The following PKD1L3 variants were observed in gnomAD, a reference collection of about 807,000 sequenced individuals.
PKD1L3 encodes polycystin 1 like 3, transient receptor potential channel interacting.
PKD1L3 carries 239 observed loss-of-function variants against 184.1 expected under a neutral mutation model. The observed-to-expected ratio is 1.30, with a 90% CI of 1.17 to 1.45. PKD1L3 has a LOEUF of 1.45. Ranked by LOEUF, PKD1L3 falls within the 40% of genes most tolerant of loss-of-function variation. The pLI is 0.00. For missense variants in PKD1L3, 2,660 were observed against 2,067.2 expected (o/e 1.29, Z -5.56); for synonymous variants, 996 against 778.8 (o/e 1.28, Z -4.64).
At chr16:71,998,662 G>T (rs978871098) in intron 1 of PKD1L3, among the ~76,000 whole-genome samples, 1 of 152,082 alleles carries the variant, frequency 6.6e-6, no homozygotes, top group Admixed American at 6.6e-5. Flanking sequence ...TGTTGGCCAG[G>T]CTGGTCTCGA....
intron 16 of PKD1L3, among the ~76,000 whole-genome samples, chr16:71,962,220 G>A (rs373615104): frequency 6.6e-6 from 1 of 152,050 alleles, no homozygotes; most frequent in Admixed American, 6.6e-5. Context: ...CACCATGCCC[G>A]GCTAGGACAT....
At chr16:71,931,359 G>T (rs1408419163) in intron 28 of PKD1L3, among the ~76,000 whole-genome samples, 1 of 151,828 alleles carries the variant, frequency 6.6e-6, no homozygotes, top group Non-Finnish European at 1.5e-5. Context: ...AGAGATTGGC[G>T]CCAGGGCCCC....
At chr16:71,981,643 C>T (rs527902658) in intron 7 of PKD1L3, among the ~76,000 whole-genome samples, 22 of 150,850 alleles carry the variant, frequency 1.5e-4, no homozygotes, top group Admixed American at 1.0e-3. Flanking sequence ...CAGGTTCAAG[C>T]GATTCTCCTG....
chr16:71,933,882 C>T (rs2038079907), intron 27 of PKD1L3, 33 bp downstream of exon 27: 11 of 1,541,306 alleles, frequency 7.1e-6, no homozygotes, highest in Non-Finnish European at 7.0e-6. Context: ...CCACAGCACA[C>T]GGAGAAGGAG....
chr16:71,962,565 C>T (rs968518193), intron 16 of PKD1L3, among the ~76,000 whole-genome samples: 5 of 152,174 alleles, frequency 3.3e-5, no homozygotes, highest in Admixed American at 1.3e-4. Context: ...TGGCTCACTG[C>T]AACCTCTGCC....
intron 12 of PKD1L3, among the ~76,000 whole-genome samples, chr16:71,972,394 C>T (rs1225433730): frequency 6.6e-6 from 1 of 152,054 alleles, no homozygotes; most frequent in Non-Finnish European, 1.5e-5. Flanking sequence ...GAGGGAAACT[C>T]CCTCTATAAG....
intron 2 of PKD1L3, 139 bp downstream of exon 2, chr16:71,998,133 A>C (rs954286834): frequency 8.7e-7 from 1 of 1,152,504 alleles, no homozygotes; most frequent in Admixed American, 2.8e-5. Flanking sequence ...GCTAATCAGC[A>C]TCATGAAAAT....
At chr16:71,993,631 G>C (rs774277963) in intron 2 of PKD1L3, among the ~76,000 whole-genome samples, 5 of 152,128 alleles carry the variant, frequency 3.3e-5, no homozygotes, top group Non-Finnish European at 5.9e-5. Flanking sequence ...ACATCCTACT[G>C]CTTAAGGTCA....
Position 71,933,974 on chromosome 16 carries a change from C to T in PKD1L3, c.4765G>A (p.Asp1589Asn), listed in dbSNP as rs2038084596. ...ATCAGCAGAAAGCCCACCACCTCGT[C>T]CCAGGCTCGGCTCAGTGTCCTGCTG... is the stretch of plus-strand genomic sequence containing the variant. ...VISRTLSRAWDEVVGFLLIIL... is the reference protein window; with the variant it reads ...VISRTLSRAWNEVVGFLLIIL... Residue 1589 changes from aspartate to asparagine, a missense_variant, in exon 27 of 30, where the codon GAC (aspartate) becomes AAC (asparagine). Asp to Asn is a conservative substitution (Grantham distance 23). Transcript: ENST00000620267. 1.3e-6 allele frequency: 2 copies of T among 1,551,624 alleles called. No homozygotes were observed. The highest frequency in any genetic ancestry group is 4.9e-5 in the East Asian group (2 of 40,906).
chr16:71,982,179 A>C lies in PKD1L3; in HGVS notation c.1023T>G (p.Phe341Leu). Residue 341 changes from phenylalanine to leucine, a missense_variant, in exon 7 of 30, where the codon TTT (phenylalanine) becomes TTG (leucine). Phe to Leu is a conservative substitution (Grantham distance 22). Transcript: ENST00000620267. The stretch of plus-strand genomic sequence containing the variant: ...TGAAGCCCAGACTGTTGTTGTTCTG[A>C]AATGGGATCCTGAGTAACTCCTCAC... ...YLSEELLRIP[F>L]QNNNSLGFKV... is the part of the protein sequence containing the mutation. 1.9e-6 allele frequency: 3 copies of C among 1,551,184 alleles called. No individual in the cohort carries two copies. Among genetic ancestry groups the C allele is most frequent in the Non-Finnish European group, 2.6e-6 (3 of 1,146,720 alleles).
Position 71,993,453 on chromosome 16 carries a change from C to T in PKD1L3, c.419-121G>A. 3 of 659,644 alleles carry T rather than the reference C, an allele frequency of 4.5e-6. No homozygotes were observed. In the South Asian group the frequency reaches 6.6e-5, roughly 14 times the overall value. The allele number at this position is 659,644 out of a possible 1,614,324, so 40.9% of individuals were successfully genotyped here. ...AAAACACAAATTAAAAATTCCTATC[C>T]AGTTTTTTAAGGACACTAAGAATTC... On this transcript the variant is annotated intron_variant, in intron 2 of 29. Transcript: ENST00000620267.
chr16:71,977,109 A>G, intron 11 of PKD1L3, 127 bp downstream of exon 11: 1 of 711,886 alleles, frequency 1.4e-6, no homozygotes, highest in South Asian at 1.8e-5. Context: ...GCTACTTAAG[A>G]GGCTAAGGCA....
At position 71,973,335 on chromosome 16, in the gene PKD1L3, C is replaced by A. The variant is rs756549601; in HGVS notation, c.1942G>T (p.Ala648Ser). 2.6e-6 allele frequency: 4 copies of A among 1,551,460 alleles called. No homozygotes were observed. Among genetic ancestry groups the A allele is most frequent in the Non-Finnish European group, 3.5e-6 (4 of 1,146,984 alleles). The change falls in exon 12 of 30, where the codon GCC (alanine) becomes TCC (serine). Residue 648 changes from alanine to serine, a missense_variant. By Grantham distance (99) the Ala-to-Ser change is moderately conservative (BLOSUM62 1). Transcript: ENST00000620267. ...WEIHNQTWSS[A>S]GCQVGPQSTI... ...GCTCAGTTTCTTACTTGGCATCCGG[C>A]GCTGCTCCATGTCTGGTTGTGGATC...
intron 9 of PKD1L3, 90 bp from the exon 10 acceptor site, chr16:71,978,473 A>ATGTGTGTG: frequency 5.1e-6 from 2 of 389,036 alleles, no homozygotes; most frequent in Admixed American, 5.3e-5. Flanking sequence ...ACATATGTAT[A>ATGTGTGTG]TATGTGTGTG....
chr16:71,953,616 G>A (rs916870579), intron 17 of PKD1L3, among the ~76,000 whole-genome samples: 1 of 152,314 alleles, frequency 6.6e-6, no homozygotes, highest in South Asian at 2.1e-4. Flanking sequence ...TAATCCCCGA[G>A]ACGGGGTTTT....
At chr16:71,950,718 CT>C (rs552837146) in intron 19 of PKD1L3, among the ~76,000 whole-genome samples, 2 of 143,190 alleles carry the variant, frequency 1.4e-5, no homozygotes, top group Non-Finnish European at 1.5e-5. Flanking sequence ...ATACAGAAAA[CT>C]TTTTTTTGTA....
intron 22 of PKD1L3, among the ~76,000 whole-genome samples, chr16:71,945,303 TATACAC>T (rs1316066541): frequency 2.1e-3 from 105 of 51,170 alleles, no homozygotes; most frequent in African/African-American, 6.6e-3. Context: ...TATATATATA[TATACAC>T]ACACACACAC....
chr16:71,952,219 T>C (rs1293213334), intron 18 of PKD1L3, among the ~76,000 whole-genome samples: 3 of 138,162 alleles, frequency 2.2e-5, no homozygotes, highest in Non-Finnish European at 4.7e-5. Flanking sequence ...TTTTTTTTTT[T>C]TTTTTTGAGA....
Position 71,952,885 on chromosome 16 carries a change from C to A in PKD1L3, c.3009+9G>T, listed in dbSNP as rs746574704. 1.0e-5 allele frequency: 16 copies of A among 1,530,746 alleles called. No homozygotes were observed. The highest frequency in any genetic ancestry group is 2.8e-5 in the African/African-American group (2 of 71,380). 94.8% of individuals were successfully genotyped at this position (1,530,746 alleles called of 1,614,324 possible). On this transcript the variant is annotated intron_variant, in intron 18 of 29. Coordinates refer to ENST00000620267, the MANE Select transcript of PKD1L3 (RefSeq NM_181536.2). ...AATAAGATAAAATAAAATTTGATAC[C>A]AATCTTACCTCAACTACCATTGTGG...
Sources: gnomAD v4.1 joint callset for allele counts (sites outside exome capture counted in the v4.1 genomes callset) on GRCh38, gnomAD v4.1.1 for gene constraint, MANE v1.5 for transcripts, NCBI Gene and HGNC (gene_info 2026-07-23, HGNC 2026-07-21) for gene names.